Variants in WWC2 observed in about 807,000 individuals in gnomAD.
The protein encoded by WWC2 is WW and C2 domain containing 2, also known as protein WWC2.
In WWC2, 101 loss-of-function variants were observed where a neutral mutation model predicts 138.5. The ratio of observed to expected loss-of-function variants is 0.73; its 90% confidence interval spans 0.62 to 0.86. The LOEUF is 0.86. Ranked by LOEUF, WWC2 falls within the 40% of genes least tolerant of loss-of-function variation. WWC2 has a pLI of 0.00. For synonymous variants in WWC2, 558 were observed against 538.4 expected (o/e 1.04, Z -0.50); for missense variants, 1,420 against 1,419.4 (o/e 1.00, Z -0.01).
chr4:183,198,435 G>T (rs1472393241), intron 2 of WWC2, among the ~76,000 whole-genome samples: 2 of 151,916 alleles, frequency 1.3e-5, no homozygotes, highest in South Asian at 2.1e-4. Flanking sequence ...GCATCTCTCT[G>T]TGTTGCCCAG....
At chr4:183,161,038 A>G (rs114220084) in intron 1 of WWC2, among the ~76,000 whole-genome samples, 3,229 of 147,364 alleles carry the variant, frequency 0.022, 61 homozygotes, top group Non-Finnish European at 0.033. Flanking sequence ...CTAGAGCATT[A>G]AAAAAAAAAA....
At chr4:183,247,422 G>GT (rs1384575416) in intron 6 of WWC2, among the ~76,000 whole-genome samples, 2 of 148,654 alleles carry the variant, frequency 1.3e-5, no homozygotes, top group African/African-American at 2.5e-5. Context: ...TCACTAAAAG[G>GT]TTTTTTTGTT....
intron 1 of WWC2, among the ~76,000 whole-genome samples, chr4:183,146,659 T>C (rs1431899417): frequency 6.6e-6 from 1 of 152,158 alleles, no homozygotes; most frequent in Non-Finnish European, 1.5e-5. Flanking sequence ...GGGTGGACAC[T>C]AAGCCCTTTT....
chr4:183,239,276 C>G (rs181878872), intron 4 of WWC2, among the ~76,000 whole-genome samples: 81 of 151,722 alleles, frequency 5.3e-4, no homozygotes, highest in African/African-American at 1.9e-3. Flanking sequence ...ATTGCACCAC[C>G]GCACTCCAGC....
chr4:183,261,507 G>A lies in WWC2; in HGVS notation c.1884G>A (p.Arg628=), dbSNP rs770372535. Residue 628 remains arginine (R), a synonymous_variant, in exon 11 of 23, where the codon AGG becomes AGA. Coordinates refer to ENST00000403733, the MANE Select transcript of WWC2 (RefSeq NM_024949.6). ...SEDKDLNECA[R]EPLYEGTADV... is the part of the protein sequence containing the mutation. The stretch of plus-strand genomic sequence containing the variant: ...ATAAAGACCTTAATGAATGTGCTAG[G>A]GAGCCATTATATGAAGGAACTGCAG... 56 of 1,612,204 alleles carry A rather than the reference G, an allele frequency of 3.5e-5. No individual in the cohort carries two copies. Among genetic ancestry groups the A allele is most frequent in the Middle Eastern group, 3.3e-4 (2 of 6,080 alleles).
intron 22 of WWC2, among the ~76,000 whole-genome samples, chr4:183,314,236 A>G (rs971341931): frequency 6.6e-6 from 1 of 152,062 alleles, no homozygotes; most frequent in African/African-American, 2.4e-5. Flanking sequence ...GACTACCACT[A>G]CTTGGGTTTT....
chr4:183,172,404 G>A (rs1327375055), intron 1 of WWC2, among the ~76,000 whole-genome samples: 1 of 152,140 alleles, frequency 6.6e-6, no homozygotes, highest in African/African-American at 2.4e-5. Flanking sequence ...CTCCACAGAT[G>A]CCATTATTCT....
intron 16 of WWC2, among the ~76,000 whole-genome samples, chr4:183,273,922 G>A (rs898597522): frequency 2.6e-5 from 4 of 152,100 alleles, no homozygotes; most frequent in East Asian, 1.9e-4. Flanking sequence ...AGTTGTTAAC[G>A]TGGATCCAGT....
chr4:183,249,009 A>T (rs1433395331), intron 7 of WWC2, 149 bp downstream of exon 7: 4 of 825,218 alleles, frequency 4.8e-6, no homozygotes, highest in Non-Finnish European at 7.0e-6. Context: ...TTAGTTTTAA[A>T]AATCATAGCC....
chr4:183,151,800 C>G (rs1416664210), intron 1 of WWC2, among the ~76,000 whole-genome samples: 4 of 152,122 alleles, frequency 2.6e-5, no homozygotes, highest in African/African-American at 9.7e-5. Context: ...ATAGGGAATC[C>G]TTTCAACATT....
intron 9 of WWC2, among the ~76,000 whole-genome samples, chr4:183,255,868 CT>C (rs944208118): frequency 8.4e-5 from 12 of 142,854 alleles, no homozygotes; most frequent in East Asian, 3.9e-4. Flanking sequence ...AAATAGGAGG[CT>C]TTTTTTCCTT....
At chr4:183,146,221 T>G (rs1482639278) in intron 1 of WWC2, among the ~76,000 whole-genome samples, 1 of 152,128 alleles carries the variant, frequency 6.6e-6, no homozygotes, top group East Asian at 1.9e-4. Context: ...AGTGAGCATG[T>G]ATTAGTAGAG....
At chr4:183,187,447 A>G (rs1438394625) in intron 1 of WWC2, among the ~76,000 whole-genome samples, 1 of 151,584 alleles carries the variant, frequency 6.6e-6, no homozygotes, top group Admixed American at 6.6e-5. Flanking sequence ...CCAGCTACAC[A>G]GGAGGCTGAG....
rs143082861 is a variant in WWC2 at position 183,291,003 on chromosome 4, G to A, written c.3384+1368G>A. 8.4e-3 allele frequency among the ~76,000 whole-genome samples: 1,281 copies of A among 152,328 alleles called. 8 individuals carry two copies. Among genetic ancestry groups the A allele is most frequent in the Non-Finnish European group, 9.2e-3 (623 of 68,036 alleles). ...CTTTAAGCAACAAAATGTATTACAT[G>A]TATCTATCTTATCCCACCTGATAGA... On this transcript the variant is annotated intron_variant, in intron 21 of 22. Transcript: ENST00000403733.
chr4:183,207,604 A>G (rs1735482179), intron 2 of WWC2, among the ~76,000 whole-genome samples: 1 of 152,138 alleles, frequency 6.6e-6, no homozygotes, highest in African/African-American at 2.4e-5. Flanking sequence ...TATTAGGTGA[A>G]TGAAGGTGGG....
intron 1 of WWC2, among the ~76,000 whole-genome samples, chr4:183,123,947 G>A (rs963311309): frequency 6.6e-6 from 1 of 152,044 alleles, no homozygotes; most frequent in African/African-American, 2.4e-5. Context: ...GATTTTGGTT[G>A]TAATGTTATG....
chr4:183,108,401 G>A (rs1446850562), intron 1 of WWC2, among the ~76,000 whole-genome samples: 1 of 152,034 alleles, frequency 6.6e-6, no homozygotes, highest in Non-Finnish European at 1.5e-5. Flanking sequence ...TCCCAGTAGA[G>A]GGGTATCCTA....
At chr4:183,151,666 GT>G (rs961850989) in intron 1 of WWC2, among the ~76,000 whole-genome samples, 27 of 152,266 alleles carry the variant, frequency 1.8e-4, no homozygotes, top group African/African-American at 5.3e-4. Flanking sequence ...GGTTTTTATG[GT>G]TTTAGGTCTA....
At chr4:183,176,475 T>G (rs1315642778) in intron 1 of WWC2, among the ~76,000 whole-genome samples, 1 of 152,130 alleles carries the variant, frequency 6.6e-6, no homozygotes, top group Non-Finnish European at 1.5e-5. Flanking sequence ...CAGGCTGGAG[T>G]GCAGTGGCAC....
Sources: allele counts gnomAD v4.1 joint callset (sites outside exome capture counted in the v4.1 genomes callset), GRCh38; gene constraint gnomAD v4.1.1; transcripts MANE v1.5; gene names NCBI Gene and HGNC (gene_info 2026-07-23, HGNC 2026-07-21).